MAPK15: variants seen among roughly 807,000 people sequenced by gnomAD.
MAPK15 encodes mitogen-activated protein kinase 15, also known as ERK-7.
MAPK15 carries 61 observed loss-of-function variants against 60.8 expected under a neutral mutation model. The ratio of observed to expected loss-of-function variants is 1.00; its 90% CI spans 0.82 to 1.24. The LOEUF (loss-of-function observed/expected upper bound fraction) is 1.24. Among genes scored for constraint, MAPK15 ranks in the 50% most tolerant of loss-of-function variants. The pLI is 0.00. For missense variants in MAPK15, 808 were observed against 741.1 expected, an observed-to-expected ratio of 1.09 and a Z score of -1.05; for synonymous variants, 356 against 319.9, an observed-to-expected ratio of 1.11 and a Z score of -1.21.
Position 143,720,569 on chromosome 8 carries a change from C to G in MAPK15, c.780-134C>G. On this transcript the variant is annotated intron_variant, in intron 8 of 13. Transcript: ENST00000338033. This position sits in a 1 kb window ranked among gnomAD's most constrained non-coding sequence, Gnocchi z 4.6. ...GCAGGGGCCCAGACTGCCTGCAGGT[C>G]AGGCACAGGGGCATCTACCTAGACA... 3 of 1,474,068 alleles carry G rather than the reference C, an allele frequency of 2.0e-6. No homozygotes were observed. Among genetic ancestry groups the G allele is most frequent in the Middle Eastern group, 1.8e-4 (1 of 5,608 alleles). The allele number at this position is 1,474,068 out of a possible 1,614,324, so 91.3% of individuals were successfully genotyped here. A position where few individuals can be genotyped will look rare whatever the true frequency, so the allele number is the denominator to read the frequency against.
rs782812161 is a variant in MAPK15, at chr8:143,719,391, G to T, written c.630G>T (p.Glu210Asp). The T allele has an allele frequency of 5.0e-6, 8 of 1,611,590 alleles. No individual in the cohort carries two copies. The highest frequency in any genetic ancestry group is 4.0e-5 in the African/African-American group (3 of 74,966). ...GGAGTCTGGGCTGTATCCTGGGGGAGATGCTGCGGGGGAGACCCCTGTTCC... is the reference window on the plus strand; with the variant it reads ...GGAGTCTGGGCTGTATCCTGGGGGATATGCTGCGGGGGAGACCCCTGTTCC... ...DMWSLGCILG[E>D]MLRGRPLFPG... The change falls in exon 7 of 14, where the codon GAG becomes GAT. Residue 210 changes from glutamate (E) to aspartate (D), a missense_variant. By Grantham distance (45) the Glu-to-Asp change is conservative. Transcript: ENST00000338033.
chr8:143,719,471 C>T lies in MAPK15; in HGVS notation c.710C>T (p.Pro237Leu), dbSNP rs782737151. The T allele has an allele frequency of 1.2e-6, 2 of 1,608,194 alleles. No individual in the cohort carries two copies. The highest frequency in any genetic ancestry group is 2.2e-5 in the South Asian group (2 of 90,394). ...LELILETIPP[P>L]SEEDLLALGS... is the part of the protein sequence containing the mutation. ...CTGATCCTGGAGACCATCCCACCGC[C>T]ATCTGAGGAGGGTGAGCCAGGCTGC... Residue 237 changes from proline (P) to leucine (L), a missense_variant, in exon 7 of 14, where the codon CCA (proline) becomes CTA (leucine). By Grantham distance (98) the Pro-to-Leu change is moderately conservative. Transcript: ENST00000338033.
chr8:143,720,498 G>A lies in MAPK15; in HGVS notation c.780-205G>A, dbSNP rs782629636. On this transcript the variant is annotated intron_variant, in intron 8 of 13. Coordinates refer to ENST00000338033, the MANE Select transcript of MAPK15 (RefSeq NM_139021.3). This position sits in a 1 kb window ranked among gnomAD's most constrained non-coding sequence, Gnocchi z 4.6. ...GGTGGCCCAGAGGAGCTGTGCCAGG[G>A]CGTGGAGAGGAGGGCACCAGGGGGC... 9.6e-6 allele frequency: 14 copies of A among 1,451,840 alleles called. No individual in the cohort carries two copies. Among genetic ancestry groups the A allele is most frequent in the Non-Finnish European group, 1.3e-5 (14 of 1,099,772 alleles). The allele number at this position is 1,451,840 out of a possible 1,614,324, so 89.9% of individuals were successfully genotyped here. A position where few individuals can be genotyped will look rare whatever the true frequency, so the allele number is the denominator to read the frequency against.
chr8:143,718,102 A>G, intron 3 of MAPK15, 26 bp downstream of exon 3: 1 of 1,614,030 alleles, frequency 6.2e-7, no homozygotes, highest in Non-Finnish European at 8.5e-7. Context: ...CCTCCAGTCC[A>G]ATCCCCTTGC....
intron 3 of MAPK15, 23 bp from the exon 4 acceptor site, chr8:143,718,189 G>C: frequency 1.2e-6 from 2 of 1,613,732 alleles, no homozygotes; most frequent in Non-Finnish European, 8.5e-7. Flanking sequence ...TGGCCTTCCA[G>C]CCGCCTCCGA....
intron 1 of MAPK15, among the ~76,000 whole-genome samples, chr8:143,717,072 T>C (rs1205658821): frequency 6.6e-6 from 1 of 151,574 alleles, no homozygotes; most frequent in Non-Finnish European, 1.5e-5. Flanking sequence ...GAGAGACAGG[T>C]GAGTGGTGAG....
Position 143,720,628 on chromosome 8 carries a change from GC to G in MAPK15, c.780-70del. 3 of 1,539,554 alleles carry G rather than the reference GC, an allele frequency of 1.9e-6. No individual in the cohort carries two copies. Among genetic ancestry groups the G allele is most frequent in the Non-Finnish European group, 2.6e-6 (3 of 1,140,842 alleles). The stretch of plus-strand genomic sequence containing the variant: ...GGGTGGACCCCAGTTTGGAAGCTGA[GC>G]CCCCAGCCACGAACATGGATCTGAG... On this transcript the variant is annotated intron_variant, in intron 8 of 13. Coordinates refer to ENST00000338033, the MANE Select transcript of MAPK15 (RefSeq NM_139021.3). The surrounding 1 kb of genome is among the most constrained non-coding windows in gnomAD (Gnocchi z 4.6).
intron 12 of MAPK15, 29 bp downstream of exon 12, chr8:143,721,702 G>T (rs1554619933): frequency 6.2e-7 from 1 of 1,612,106 alleles, no homozygotes; most frequent in Admixed American, 1.7e-5. Context: ...GGCACAGGAG[G>T]GACCCCTCCT....
intron 7 of MAPK15, 104 bp downstream of exon 7, chr8:143,719,586 A>C: frequency 1.4e-6 from 2 of 1,427,498 alleles, no homozygotes; most frequent in South Asian, 2.8e-5. Flanking sequence ...GAGAGGAGGG[A>C]CGGGGACAGG....
Position 143,722,136 on chromosome 8 carries a change from T to G in MAPK15, c.1520T>G (p.Leu507Trp). 6.2e-7 allele frequency: 1 copy of G among 1,612,268 alleles called. No homozygotes were observed. The highest frequency in any genetic ancestry group is 8.5e-7 in the Non-Finnish European group (1 of 1,179,698). ...PGRRMFSTSALQGAQGGARAL... is the reference protein window; with the variant it reads ...PGRRMFSTSAWQGAQGGARAL... Reference sequence around the variant, plus strand: ...CGGAGGATGTTCAGCACCTCTGCCTTGCAGGGTGCCCAGGGGGGTGCCAGG... The same window carrying G: ...CGGAGGATGTTCAGCACCTCTGCCTGGCAGGGTGCCCAGGGGGGTGCCAGG... Residue 507 changes from leucine to tryptophan, a missense_variant, in exon 14 of 14, where the codon TTG becomes TGG. Coordinates refer to ENST00000338033, the MANE Select transcript of MAPK15 (RefSeq NM_139021.3).
Position 143,721,845 on chromosome 8 carries a change from C to T in MAPK15, c.1423C>T (p.Arg475Trp), listed in dbSNP as rs199544510. The stretch of plus-strand genomic sequence containing the variant: ...GGCCCTGATCCGGGGTGACTGGAAC[C>T]GGGGCGGTGGGGTGAGGGTGGCCAG... ...NQALIRGDWN[R>W]GGGVRVASVQ... The change falls in exon 13 of 14, where the codon CGG becomes TGG. Residue 475 changes from arginine to tryptophan, a missense_variant. Physicochemically the swap from Arg to Trp is moderately radical, Grantham distance 101 (BLOSUM62 -3). Coordinates refer to ENST00000338033, the MANE Select transcript of MAPK15 (RefSeq NM_139021.3). The T allele has an allele frequency of 4.8e-4, 764 of 1,606,998 alleles. 7 individuals carry two copies. In the South Asian group the frequency reaches 6.1e-3, roughly 13 times the overall value.
At chr8:143,718,011 CCACCCACCCACA>C (rs1563748149) in intron 2 of MAPK15, 24 bp from the exon 3 acceptor site, 1 of 1,613,876 alleles carries the variant, frequency 6.2e-7, no homozygotes, top group East Asian at 2.2e-5. Context: ...CCTTCTTGCT[CCACCCACCCACA>C]CACCTGTGTT....
Position 143,718,096 on chromosome 8 carries a change from C to T in MAPK15, c.195+20C>T, listed in dbSNP as rs782537280. On this transcript the variant is annotated intron_variant, in intron 3 of 13. Transcript: ENST00000338033. ...CTCCAGGTGAGTGGCCTGGGCCCTCCAGTCCAATCCCCTTGCCCAGGTACA... is the reference window on the plus strand; with the variant it reads ...CTCCAGGTGAGTGGCCTGGGCCCTCTAGTCCAATCCCCTTGCCCAGGTACA... The T allele has an allele frequency of 6.2e-7, 1 of 1,613,966 alleles. No individual in the cohort carries two copies.
chr8:143,722,250 G>A lies in MAPK15; in HGVS notation c.1634G>A (p.Ter545=). 3 of 1,574,806 alleles carry A rather than the reference G, an allele frequency of 1.9e-6. No individual in the cohort carries two copies. The highest frequency in any genetic ancestry group is 2.6e-6 in the Non-Finnish European group (3 of 1,160,636). ...HLPLLEGHHV[*] ...CCCCTGCTGGAGGGGCACCATGTGT[G>A]AGCCGCCCTACTCCCTTCACCTGGC... The change falls in exon 14 of 14, where the codon TGA becomes TAA. Residue 545 remains the stop codon, a stop_retained_variant. Coordinates refer to ENST00000338033, the MANE Select transcript of MAPK15 (RefSeq NM_139021.3).
intron 1 of MAPK15, 121 bp downstream of exon 1, chr8:143,716,564 C>T: frequency 3.6e-6 from 3 of 843,102 alleles, no homozygotes; most frequent in South Asian, 4.3e-5. Context: ...GTCCTGCCTC[C>T]TCCGTAGGCG....
chr8:143,719,364 G>A lies in MAPK15; in HGVS notation c.603G>A (p.Met201Ile). 6.2e-7 allele frequency: 1 copy of A among 1,609,564 alleles called. No homozygotes were observed. Among genetic ancestry groups the A allele is most frequent in the Non-Finnish European group, 8.5e-7 (1 of 1,177,810 alleles). ...CCAGATACACCCTTGGGGTGGACAT[G>A]TGGAGTCTGGGCTGTATCCTGGGGG... Reference protein sequence around the residue: ...SSHRYTLGVDMWSLGCILGEM... With the variant: ...SSHRYTLGVDIWSLGCILGEM... The change falls in exon 7 of 14, where the codon ATG (methionine) becomes ATA (isoleucine). Residue 201 changes from methionine to isoleucine, a missense_variant. Transcript: ENST00000338033.
intron 1 of MAPK15, among the ~76,000 whole-genome samples, chr8:143,717,031 GTTGTGTATGT>G (rs1368417201): frequency 6.6e-6 from 1 of 152,180 alleles, no homozygotes; most frequent in East Asian, 1.9e-4. Context: ...CCAGTGCAGG[GTTGTGTATGT>G]GCAACTGGAT....
Position 143,722,239 on chromosome 8 carries a change from G to A in MAPK15, c.1623G>A (p.Gly541=). ...SALGHLPLLE[G]HHV Reference sequence around the variant, plus strand: ...TGGGCCACCTGCCCCTGCTGGAGGGGCACCATGTGTGAGCCGCCCTACTCC... The same window carrying A: ...TGGGCCACCTGCCCCTGCTGGAGGGACACCATGTGTGAGCCGCCCTACTCC... Residue 541 remains glycine, a synonymous_variant, in exon 14 of 14, where the codon GGG becomes GGA. Transcript: ENST00000338033. 1 of 1,586,174 alleles carries A rather than the reference G, an allele frequency of 6.3e-7. No individual in the cohort carries two copies. Among genetic ancestry groups the A allele is most frequent in the Non-Finnish European group, 8.6e-7 (1 of 1,166,044 alleles).
At position 143,719,059 on chromosome 8, in the gene MAPK15, C is replaced by T. The variant is rs1554619129; in HGVS notation, c.484C>T (p.Leu162=). Residue 162 remains leucine, a synonymous_variant, in exon 6 of 14, where the codon CTG becomes TTG. Coordinates refer to ENST00000338033, the MANE Select transcript of MAPK15 (RefSeq NM_139021.3). ...GTGTGACTTTGGCCTGGCCCGCTCCCTGGGCGACCTCCCCGAGGGGCCTGA... is the reference window on the plus strand; with the variant it reads ...GTGTGACTTTGGCCTGGCCCGCTCCTTGGGCGACCTCCCCGAGGGGCCTGA... ...KLCDFGLARS[L]GDLPEGPEDQ... 6.3e-7 allele frequency: 1 copy of T among 1,589,166 alleles called. No individual in the cohort carries two copies. Among genetic ancestry groups the T allele is most frequent in the South Asian group, 1.1e-5 (1 of 87,826 alleles).
Sources: gnomAD v4.1 joint callset for allele counts (sites outside exome capture counted in the v4.1 genomes callset) on GRCh38, gnomAD v4.1.1 for gene constraint, Gnocchi (gnomAD v3.1) non-coding constraint, MANE v1.5 for transcripts, NCBI Gene and HGNC (gene_info 2026-07-23, HGNC 2026-07-21) for gene names.